ADGRG7: variants seen among roughly 807,000 people sequenced by gnomAD.
ADGRG7 encodes the protein G-protein coupled receptor 128.
A neutral mutation model predicts 88.6 loss-of-function variants in ADGRG7; 82 were observed. The ratio of observed to expected loss-of-function variants is 0.93; its 90% CI spans 0.77 to 1.11. ADGRG7 has a LOEUF of 1.11. Ranked by LOEUF, ADGRG7 falls within the 50% of genes most tolerant of loss-of-function variation. The pLI is 0.00. For missense variants in ADGRG7, 945 were observed against 953.4 expected, an observed-to-expected ratio of 0.99 and a Z score of 0.12; for synonymous variants, 381 against 345.2, an observed-to-expected ratio of 1.10 and a Z score of -1.15.
chr3:100,618,333 G>A (rs1707256082), intron 1 of ADGRG7, among the ~76,000 whole-genome samples: 1 of 152,014 alleles, frequency 6.6e-6, no homozygotes, highest in South Asian at 2.1e-4. Context: ...TTTCTTCTAG[G>A]GTTTTTATGG....
intron 15 of ADGRG7, among the ~76,000 whole-genome samples, chr3:100,671,526 G>A (rs371739840): frequency 1.3e-5 from 2 of 152,164 alleles, no homozygotes; most frequent in Non-Finnish European, 2.9e-5. Context: ...TCTGATGATA[G>A]TTTCTTTTGC....
At chr3:100,683,682 G>A (rs2094977208) in intron 15 of ADGRG7, among the ~76,000 whole-genome samples, 1 of 152,252 alleles carries the variant, frequency 6.6e-6, no homozygotes, top group African/African-American at 2.4e-5. Context: ...GACCGAGTAG[G>A]AGGAATGAGC....
chr3:100,646,067 C>A lies in ADGRG7; in HGVS notation c.1069C>A (p.Gln357Lys). The A allele has an allele frequency of 6.2e-7, 1 of 1,613,984 alleles. No homozygotes were observed. The highest frequency in any genetic ancestry group is 8.5e-7 in the Non-Finnish European group (1 of 1,179,960). ...IISSKTDENE[Q>K]DQSASVDMVF... is the part of the protein sequence containing the mutation. ...CTCAAGCAAAACTGATGAAAATGAGCAAGATCAGAGTGCTTCTGTTGACAT... is the reference window on the plus strand; with the variant it reads ...CTCAAGCAAAACTGATGAAAATGAGAAAGATCAGAGTGCTTCTGTTGACAT... Residue 357 changes from glutamine (Q) to lysine (K), a missense_variant, in exon 9 of 16, where the codon CAA becomes AAA. Coordinates refer to ENST00000273352, the MANE Select transcript of ADGRG7 (RefSeq NM_032787.3).
rs1224221741 is a variant in ADGRG7, at chr3:100,654,819, A to G, written c.1380-16A>G. Reference sequence around the variant, plus strand: ...TGTTTCATTTAATTTTTTTATATTAATTTACTTATTTTCAGGAAAGTCAGA... The same window carrying G: ...TGTTTCATTTAATTTTTTTATATTAGTTTACTTATTTTCAGGAAAGTCAGA... On this transcript the variant is annotated splice_polypyrimidine_tract_variant and intron_variant, in intron 11 of 15. Transcript: ENST00000273352. 12 of 1,447,924 alleles carry G rather than the reference A, an allele frequency of 8.3e-6. No homozygotes were observed. The highest frequency in any genetic ancestry group is 9.4e-6 in the Non-Finnish European group (10 of 1,069,344). The allele number at this position is 1,447,924 out of a possible 1,614,324, so 89.7% of individuals were successfully genotyped here.
intron 1 of ADGRG7, among the ~76,000 whole-genome samples, chr3:100,611,714 G>A: frequency 6.6e-6 from 1 of 152,182 alleles, no homozygotes; most frequent in East Asian, 1.9e-4. Context: ...TAGCTTTGGG[G>A]TAAACCCGAT....
chr3:100,665,315 A>G (rs1367562878), intron 14 of ADGRG7: 3 of 540,716 alleles, frequency 5.5e-6, no homozygotes, highest in Middle Eastern at 3.1e-4. Flanking sequence ...CTTTAAGTTC[A>G]TCTGGTGAAA....
Position 100,669,106 on chromosome 3 carries a change from G to T in ADGRG7, c.2136+1G>T. On this transcript the variant is annotated splice_donor_variant, in intron 15 of 15. Coordinates refer to ENST00000273352, the MANE Select transcript of ADGRG7 (RefSeq NM_032787.3). LOFTEE classifies it high-confidence loss of function. The stretch of plus-strand genomic sequence containing the variant: ...ATTCTGCCTTTTCAACACTACACAG[G>T]TATGGTGCGGATTAGTCTGAAAGTA... 1 of 1,569,628 alleles carries T rather than the reference G, an allele frequency of 6.4e-7. No homozygotes were observed. Among genetic ancestry groups the T allele is most frequent in the Non-Finnish European group, 8.6e-7 (1 of 1,159,342 alleles).
At chr3:100,677,282 A>G (rs1304372054) in intron 15 of ADGRG7, among the ~76,000 whole-genome samples, 1 of 152,116 alleles carries the variant, frequency 6.6e-6, no homozygotes, top group Admixed American at 6.5e-5. Flanking sequence ...CTTGCAAATA[A>G]TATTTTATAA....
Position 100,643,515 on chromosome 3 carries a change from C to T in ADGRG7, c.839-11C>T. 1.2e-6 allele frequency: 2 copies of T among 1,610,120 alleles called. No individual in the cohort carries two copies. Among genetic ancestry groups the T allele is most frequent in the South Asian group, 2.2e-5 (2 of 90,238 alleles). On this transcript the variant is annotated splice_polypyrimidine_tract_variant and intron_variant, in intron 7 of 15. Coordinates refer to ENST00000273352, the MANE Select transcript of ADGRG7 (RefSeq NM_032787.3). ...TAGACTTTTACAATTCTACTCTTTC[C>T]CTTCTCATAGGAGCTAGCAGTTCTC...
At chr3:100,660,847 G>A (rs1432688154) in intron 14 of ADGRG7, among the ~76,000 whole-genome samples, 3 of 151,820 alleles carry the variant, frequency 2.0e-5, no homozygotes, top group Non-Finnish European at 4.4e-5. Context: ...AACTACTTGG[G>A]AGGCTGAGGC....
intron 11 of ADGRG7, among the ~76,000 whole-genome samples, chr3:100,652,699 A>T (rs181418722): frequency 1.8e-4 from 27 of 152,286 alleles, no homozygotes; most frequent in Admixed American, 1.6e-3. Context: ...GAAGATATAC[A>T]TGTGGGCTAG....
intron 9 of ADGRG7, 89 bp downstream of exon 9, chr3:100,646,197 G>A (rs759568579): frequency 2.3e-5 from 9 of 394,616 alleles, no homozygotes; most frequent in Admixed American, 3.6e-5. Context: ...GTAATACAGG[G>A]GAAGAAGAGA....
At chr3:100,661,207 A>T (rs979616215) in intron 14 of ADGRG7, among the ~76,000 whole-genome samples, 3 of 152,214 alleles carry the variant, frequency 2.0e-5, no homozygotes, top group African/African-American at 7.2e-5. Context: ...CCCTGACCCC[A>T]TCTCCATAGC....
At chr3:100,646,224 GAGGGT>G in intron 9 of ADGRG7, 116 bp downstream of exon 9, 1 of 294,412 alleles carries the variant, frequency 3.4e-6, no homozygotes, top group Non-Finnish European at 6.7e-6. Context: ...GGGCGGGGGG[GAGGGT>G]TTTCCATGAA....
intron 15 of ADGRG7, among the ~76,000 whole-genome samples, chr3:100,669,350 G>A (rs2094955480): frequency 6.6e-6 from 1 of 151,926 alleles, no homozygotes; most frequent in Non-Finnish European, 1.5e-5. Context: ...TTAGCCGGGT[G>A]TGGTGGCGGG....
chr3:100,671,891 C>T (rs2094959097), intron 15 of ADGRG7, among the ~76,000 whole-genome samples: 1 of 152,112 alleles, frequency 6.6e-6, no homozygotes, highest in Non-Finnish European at 1.5e-5. Context: ...TTTCTGAGGC[C>T]TCTATTCTGT....
chr3:100,666,583 A>G (rs2094952111), intron 14 of ADGRG7, among the ~76,000 whole-genome samples: 1 of 152,168 alleles, frequency 6.6e-6, no homozygotes, highest in African/African-American at 2.4e-5. Context: ...TTATACGGAG[A>G]CATTCCATTG....
intron 15 of ADGRG7, among the ~76,000 whole-genome samples, chr3:100,681,607 G>C (rs1220721059): frequency 6.6e-6 from 1 of 152,128 alleles, no homozygotes; most frequent in Non-Finnish European, 1.5e-5. Flanking sequence ...CACCACACCA[G>C]ACATTGAAAG....
chr3:100,683,851 C>T (rs777781492), intron 15 of ADGRG7, among the ~76,000 whole-genome samples: 4 of 152,188 alleles, frequency 2.6e-5, no homozygotes, highest in Non-Finnish European at 4.4e-5. Flanking sequence ...ACCTCATTCA[C>T]CTTTAACTTG....
Sources: allele counts gnomAD v4.1 joint callset (sites outside exome capture counted in the v4.1 genomes callset), GRCh38; gene constraint gnomAD v4.1.1; transcripts MANE v1.5; gene names NCBI Gene and HGNC (gene_info 2026-07-23, HGNC 2026-07-21).